DOCK4: variants seen among roughly 807,000 people sequenced by gnomAD.
DOCK4 encodes dedicator of cytokinesis protein 4.
In DOCK4, 97 loss-of-function variants were observed where a neutral mutation model predicts 268.1. That is an observed-to-expected ratio of 0.36 (90% CI 0.31 to 0.43). The LOEUF (loss-of-function observed/expected upper bound fraction) is 0.43. Ranked by LOEUF, DOCK4 falls within the 20% of genes least tolerant of loss-of-function variation. The pLI, the probability that DOCK4 is intolerant of heterozygous loss-of-function variation, is 1.00. For missense variants in DOCK4, 2,145 were observed against 2,455.7 expected, an observed-to-expected ratio of 0.87 and a Z score of 2.67; for synonymous variants, 954 against 887.2, an observed-to-expected ratio of 1.08 and a Z score of -1.34.
rs1259098398 is a variant in DOCK4 at position 111,822,441 on chromosome 7, T to C, written c.2851A>G (p.Ile951Val). Residue 951 changes from isoleucine to valine, a missense_variant, in exon 27 of 53, where the codon ATA becomes GTA. Transcript: ENST00000428084. ...KEELRDFLLQ[I>V]FTVFRILIRP... ...ATCAATATTCGGAACACAGTAAATA[T>C]CTGCAGCAGGAAATCCTTGGATAAG... 10 of 1,612,788 alleles carry C rather than the reference T, an allele frequency of 6.2e-6. No individual in the cohort carries two copies. Among genetic ancestry groups the C allele is most frequent in the Non-Finnish European group, 8.5e-6 (10 of 1,179,482 alleles).
rs116208701 is a variant in DOCK4, at chr7:111,900,438, T to C, written c.1416A>G (p.Lys472=). Residue 472 remains lysine (K), a synonymous_variant, in exon 15 of 53, where the codon AAA becomes AAG. Transcript: ENST00000428084. ...GGAATTTATCCACAGGAATGGGAAG[T>C]TTCAGCAGTTCAGACCACCTGGGAC... ...NNSPRWSELL[K]LPIPVDKFRG... is the part of the protein sequence containing the mutation. 4.1e-4 allele frequency: 666 copies of C among 1,613,436 alleles called. 8 individuals carry two copies. In the African/African-American group the frequency reaches 7.2e-3, roughly 18 times the overall value.
rs372109919 is a variant in DOCK4 at position 112,059,450 on chromosome 7, A to G, written c.38-55319T>C. 1.5e-3 allele frequency among the ~76,000 whole-genome samples: 228 copies of G among 152,084 alleles called. 2 individuals are homozygous for G. Among genetic ancestry groups the G allele is most frequent in the African/African-American group, 5.2e-3 (217 of 41,514 alleles). ...AGCCACCACCCCACCCGCGTTTCCA[A>G]ATTTTTTAAATGCAATGAATATAAA... is the stretch of plus-strand genomic sequence containing the variant. On this transcript the variant is annotated intron_variant, in intron 1 of 52. Coordinates refer to ENST00000428084, the MANE Select transcript of DOCK4 (RefSeq NM_001363540.2).
intron 45 of DOCK4, 28 bp from the exon 46 acceptor site, chr7:111,741,689 A>G (rs1391715024): frequency 6.3e-7 from 1 of 1,581,746 alleles, no homozygotes; most frequent in Non-Finnish European, 8.7e-7. Flanking sequence ...GAAATATCTC[A>G]TTACAGTAAT....
At chr7:111,946,200 A>G (rs771039837) in intron 8 of DOCK4, among the ~76,000 whole-genome samples, 10 of 152,238 alleles carry the variant, frequency 6.6e-5, no homozygotes, top group Non-Finnish European at 1.5e-4. Context: ...AACATTAAAG[A>G]TATTTTGAGT....
intron 31 of DOCK4, 22 bp downstream of exon 31, chr7:111,790,435 T>C: frequency 6.2e-7 from 1 of 1,611,496 alleles, no homozygotes; most frequent in Non-Finnish European, 8.5e-7. Context: ...TTCCAACTCT[T>C]CTGAGGAGCA....
chr7:112,130,951 T>C (rs1042175496), intron 1 of DOCK4, among the ~76,000 whole-genome samples: 2 of 152,140 alleles, frequency 1.3e-5, no homozygotes, highest in Non-Finnish European at 2.9e-5. Flanking sequence ...CAAAAATAAA[T>C]CCATTTGACT....
chr7:111,923,927 T>A (rs1200195648), intron 12 of DOCK4, among the ~76,000 whole-genome samples: 4 of 152,250 alleles, frequency 2.6e-5, no homozygotes, highest in South Asian at 4.1e-4. Context: ...TAACATTTTT[T>A]AAAAGAATTT....
intron 1 of DOCK4, among the ~76,000 whole-genome samples, chr7:112,126,758 A>C (rs1813257072): frequency 6.6e-6 from 1 of 152,256 alleles, no homozygotes; most frequent in Admixed American, 6.5e-5. Context: ...GGATATGAAC[A>C]GACACTTCTC....
At chr7:111,956,136 C>A (rs1796430188) in intron 8 of DOCK4, among the ~76,000 whole-genome samples, 1 of 152,150 alleles carries the variant, frequency 6.6e-6, no homozygotes, top group Non-Finnish European at 1.5e-5. Context: ...ATTGTAAACA[C>A]TGTATCTTTG....
chr7:112,103,327 A>G (rs1810854936), intron 1 of DOCK4, among the ~76,000 whole-genome samples: 1 of 152,206 alleles, frequency 6.6e-6, no homozygotes, highest in African/African-American at 2.4e-5. Context: ...CCATGGAAGT[A>G]CTGAAAAATG....
chr7:112,031,064 G>A (rs188374580), intron 1 of DOCK4, among the ~76,000 whole-genome samples: 2 of 152,290 alleles, frequency 1.3e-5, no homozygotes, highest in East Asian at 3.9e-4. Context: ...GGGAAAAACA[G>A]CAGGAAGATT....
At chr7:111,927,894 A>G (rs950001142) in intron 12 of DOCK4, among the ~76,000 whole-genome samples, 12 of 152,148 alleles carry the variant, frequency 7.9e-5, no homozygotes, top group Admixed American at 5.2e-4. Flanking sequence ...CCCTCCGTAT[A>G]TTGGATGAAA....
intron 8 of DOCK4, among the ~76,000 whole-genome samples, chr7:111,956,369 A>C (rs1796449936): frequency 6.6e-6 from 1 of 152,214 alleles, no homozygotes; most frequent in African/African-American, 2.4e-5. Context: ...AAGCCCTGCA[A>C]AAACAGTAAG....
intron 16 of DOCK4, among the ~76,000 whole-genome samples, chr7:111,891,315 C>A (rs1182526884): frequency 1.3e-5 from 2 of 152,050 alleles, no homozygotes; most frequent in African/African-American, 4.8e-5. Flanking sequence ...CACATATACA[C>A]ATAAGAACAT....
chr7:111,856,129 C>T (rs1395982099), intron 23 of DOCK4, among the ~76,000 whole-genome samples: 1 of 152,204 alleles, frequency 6.6e-6, no homozygotes, highest in Non-Finnish European at 1.5e-5. Context: ...CCCCATCCCT[C>T]TGAAAATCTG....
chr7:111,894,888 A>AG (rs1164849937), intron 16 of DOCK4, among the ~76,000 whole-genome samples: 5 of 152,298 alleles, frequency 3.3e-5, no homozygotes, highest in African/African-American at 1.2e-4. Context: ...TCTGGGCTAG[A>AG]GGGAGACAAG....
chr7:111,852,468 C>A (rs1474315226), intron 23 of DOCK4, among the ~76,000 whole-genome samples: 2 of 148,274 alleles, frequency 1.3e-5, no homozygotes, highest in Non-Finnish European at 3.0e-5. Flanking sequence ...AACTTAAATA[C>A]TTATTTACAA....
At chr7:111,872,828 C>A (rs2134241345) in intron 17 of DOCK4, among the ~76,000 whole-genome samples, 1 of 152,284 alleles carries the variant, frequency 6.6e-6, no homozygotes, top group East Asian at 1.9e-4. Context: ...ATTTTGGAAG[C>A]CTTTCCTGAA....
intron 5 of DOCK4, among the ~76,000 whole-genome samples, chr7:111,992,153 A>G (rs1315332282): frequency 3.9e-5 from 6 of 152,096 alleles, no homozygotes; most frequent in Admixed American, 2.6e-4. Flanking sequence ...GTCCTTGGCA[A>G]CGTTATTTAA....
Sources: gnomAD v4.1 joint callset for allele counts (sites outside exome capture counted in the v4.1 genomes callset) on GRCh38, gnomAD v4.1.1 for gene constraint, MANE v1.5 for transcripts, NCBI Gene and HGNC (gene_info 2026-07-23, HGNC 2026-07-21) for gene names.